Variants in AHCTF1 observed in about 807,000 individuals in gnomAD.
The protein encoded by AHCTF1 is protein ELYS.
In AHCTF1, 24 loss-of-function variants were observed where a neutral mutation model predicts 248.4. The observed-to-expected ratio is 0.10, with a 90% CI of 0.07 to 0.14. The LOEUF (loss-of-function observed/expected upper bound fraction) is 0.14, where lower values mean the gene tolerates loss of function less well. Ranked by LOEUF, AHCTF1 falls within the 10% of genes least tolerant of loss-of-function variation. The probability of loss-of-function intolerance (pLI) is 1.00; values close to 1 mark genes in which losing one functional copy is unlikely to be tolerated. For missense variants in AHCTF1, 2,206 were observed against 2,636.2 expected (o/e 0.84, Z 3.57); for synonymous variants, 786 against 929.8 (o/e 0.85, Z 2.81).
In AHCTF1 at chr1:246,840,473, G is replaced by C. The variant is rs1659778821; in HGVS notation, c.*333C>G. 6.5e-6 allele frequency: 1 copy of C among 154,976 alleles called. No individual in the cohort carries two copies. Among genetic ancestry groups the C allele is most frequent in the Admixed American group, 6.5e-5 (1 of 15,280 alleles). The allele number at this position is 154,976 out of a possible 1,614,324, so 9.6% of individuals were successfully genotyped here. ...AGTATTTTAATTATAGAGAAAATGA[G>C]ACCAATGAGCATATAAAACTATTTA... On this transcript the variant is annotated 3_prime_UTR_variant, in exon 36 of 36. Coordinates refer to ENST00000648844, the MANE Select transcript of AHCTF1 (RefSeq NM_001323342.2).
Position 246,908,323 on chromosome 1 carries a change from C to CAAA in AHCTF1, c.557-568_557-566dup, listed in dbSNP as rs34997839. Among the ~76,000 whole-genome samples the CAAA allele has an allele frequency of 6.9e-5, 7 of 101,548 alleles. 1 individual carries two copies. Among genetic ancestry groups the CAAA allele is most frequent in the East Asian group, 2.8e-4 (1 of 3,532 alleles). 66.6% of individuals were successfully genotyped at this position (101,548 alleles called of 152,430 possible). A position where few individuals can be genotyped will look rare whatever the true frequency, so the allele number is the denominator to read the frequency against. On this transcript the variant is annotated intron_variant, in intron 4 of 35. Transcript: ENST00000648844. ...CAAACCTGAAAAATTCACAGGGATA[C>CAAA]AAAAAAAAAAAAAAAAGAGGGGTGG...
At chr1:246,910,453 A>T (rs1321679921) in intron 4 of AHCTF1, among the ~76,000 whole-genome samples, 1 of 152,248 alleles carries the variant, frequency 6.6e-6, no homozygotes, top group Non-Finnish European at 1.5e-5. Flanking sequence ...ATTATGTAAT[A>T]AAATATCCCT....
chr1:246,879,583 G>A (rs1037938467), intron 21 of AHCTF1, among the ~76,000 whole-genome samples: 1 of 152,074 alleles, frequency 6.6e-6, no homozygotes, highest in Non-Finnish European at 1.5e-5. Flanking sequence ...CAGCACTTTG[G>A]GAGACCGAGA....
chr1:246,893,741 A>G (rs1664374972), intron 14 of AHCTF1, among the ~76,000 whole-genome samples: 1 of 152,250 alleles, frequency 6.6e-6, no homozygotes, highest in South Asian at 2.1e-4. Context: ...AAGTGAGTTA[A>G]GTACAGAAAC....
At chr1:246,870,551 T>G (rs1351353717) in intron 24 of AHCTF1, among the ~76,000 whole-genome samples, 2 of 152,162 alleles carry the variant, frequency 1.3e-5, no homozygotes, top group Non-Finnish European at 2.9e-5. Flanking sequence ...TCTACAGTGT[T>G]GAAATGATAA....
In AHCTF1 at chr1:246,850,944, T is replaced by C. The variant is rs748740387; in HGVS notation, c.5062A>G (p.Thr1688Ala). The C allele has an allele frequency of 2.5e-6, 4 of 1,613,858 alleles. No homozygotes were observed. In the Admixed American group the frequency reaches 6.7e-5, roughly 27 times the overall value. ...DTRSKEITSD[T>A]MEQSIHETIP... is the part of the protein sequence containing the mutation. ...GTTTCATGAATGGACTGTTCCATTG[T>C]ATCTGAAGTAATTTCTTTACTTCTT... Residue 1688 changes from threonine (T) to alanine (A), a missense_variant, in exon 33 of 36, where the codon ACA becomes GCA. Physicochemically the swap from Thr to Ala is moderately conservative, Grantham distance 58 (BLOSUM62 0). This residue lies in a region of AHCTF1 where 955 missense variants were observed against 1,055.6 expected (regional missense o/e 0.90). Coordinates refer to ENST00000648844, the MANE Select transcript of AHCTF1 (RefSeq NM_001323342.2).
rs1325915559 is a variant in AHCTF1, at chr1:246,922,432, TG to T, written c.-7-4056del. 3.4e-3 allele frequency among the ~76,000 whole-genome samples: 512 copies of T among 150,258 alleles called. 2 individuals carry two copies. The highest frequency in any genetic ancestry group is 0.011 in the African/African-American group (450 of 40,374). On this transcript the variant is annotated intron_variant, in intron 1 of 35. Coordinates refer to ENST00000648844, the MANE Select transcript of AHCTF1 (RefSeq NM_001323342.2). ...AGTATTCTGTTGCGGTTTTTTGGGT[TG>T]TTTTTTTTTTTTGACAGGGTCTCAC... is the stretch of plus-strand genomic sequence containing the variant.
At position 246,907,690 on chromosome 1, in the gene AHCTF1, G is replaced by T. The variant is rs753602111; in HGVS notation, c.625C>A (p.Arg209Ser). The T allele has an allele frequency of 6.2e-7, 1 of 1,613,780 alleles. No individual in the cohort carries two copies. The highest frequency in any genetic ancestry group is 8.5e-7 in the Non-Finnish European group (1 of 1,179,946). The change falls in exon 5 of 36, where the codon CGC becomes AGC. Residue 209 changes from arginine (R) to serine (S), a missense_variant. By Grantham distance (110) the Arg-to-Ser change is moderately radical (BLOSUM62 -1). Around this residue, in one of 6 missense-constraint regions of AHCTF1, gnomAD observed 650 missense variants for 870.8 expected, o/e 0.75. Coordinates refer to ENST00000648844, the MANE Select transcript of AHCTF1 (RefSeq NM_001323342.2). ...CTTACTAACTGGAAACACAGATGGCGCCCTTGTCTCATTACACTTTCTCTA... is the reference window on the plus strand; with the variant it reads ...CTTACTAACTGGAAACACAGATGGCTCCCTTGTCTCATTACACTTTCTCTA... ...HIRESVMRQG[R>S]HLCFQLVSPT...
chr1:246,901,342 A>C (rs759255909), intron 8 of AHCTF1, among the ~76,000 whole-genome samples: 4 of 151,696 alleles, frequency 2.6e-5, no homozygotes, highest in Non-Finnish European at 5.9e-5. Context: ...CTGTCTCTAA[A>C]AAAACAAAAA....
chr1:246,897,246 G>A lies in AHCTF1; in HGVS notation c.1623+962C>T, dbSNP rs148792915. 1.4e-4 allele frequency among the ~76,000 whole-genome samples: 22 copies of A among 152,216 alleles called. No individual in the cohort carries two copies. In the East Asian group the frequency reaches 4.3e-3, roughly 29 times the overall value. ...GAGAATCACCTGAACCCAGGAGGTT[G>A]GAGGTTGCAGTGAGCCAAGATCACG... is the stretch of plus-strand genomic sequence containing the variant. On this transcript the variant is annotated intron_variant, in intron 12 of 35. Coordinates refer to ENST00000648844, the MANE Select transcript of AHCTF1 (RefSeq NM_001323342.2).
rs1369825414 is a variant in AHCTF1, at chr1:246,900,476, G to GAA, written c.1118-9_1118-8dup. On this transcript the variant is annotated splice_region_variant and splice_polypyrimidine_tract_variant and intron_variant, in intron 8 of 35. Coordinates refer to ENST00000648844, the MANE Select transcript of AHCTF1 (RefSeq NM_001323342.2). ...CTAGTGTCAGGCGATAGAGCTGGAA[G>GAA]AAAAAGATAATTTTTAAAAACAGAA... 6.3e-7 allele frequency: 1 copy of GAA among 1,581,654 alleles called. No homozygotes were observed. Among genetic ancestry groups the GAA allele is most frequent in the East Asian group, 2.3e-5 (1 of 44,344 alleles).
At position 246,867,905 on chromosome 1, in the gene AHCTF1, AC is replaced by A. The variant is rs1402378753; in HGVS notation, c.3089-95del. On this transcript the variant is annotated intron_variant, in intron 24 of 35. Coordinates refer to ENST00000648844, the MANE Select transcript of AHCTF1 (RefSeq NM_001323342.2). Reference sequence around the variant, plus strand: ...AGAATGATTACACCCCCCCCCCCACACACACACACACACACATTACGTGGTA... The same window carrying A: ...AGAATGATTACACCCCCCCCCCCACAACACACACACACACATTACGTGGTA... 1.7e-5 allele frequency: 4 copies of A among 234,660 alleles called. 1 individual carries two copies. The African/African-American group carries it at 3.0e-4, about 18-fold the overall frequency. The allele number at this position is 234,660 out of a possible 1,614,324, so 14.5% of individuals were successfully genotyped here. A position where few individuals can be genotyped will look rare whatever the true frequency, so the allele number is the denominator to read the frequency against.
In AHCTF1 at chr1:246,918,351, T is replaced by G. The variant is rs971867758; in HGVS notation, c.20A>C (p.Gln7Pro). 1.9e-6 allele frequency: 3 copies of G among 1,612,228 alleles called. No homozygotes were observed. Among genetic ancestry groups the G allele is most frequent in the Non-Finnish European group, 2.5e-6 (3 of 1,179,262 alleles). ...AAATGGCAGGAGACCACTAGTCACTTGAGCTCTTAAGTCTCGCATACTTCC... is the reference window on the plus strand; with the variant it reads ...AAATGGCAGGAGACCACTAGTCACTGGAGCTCTTAAGTCTCGCATACTTCC... MRDLRA[Q>P]VTSGLLPFPE... Residue 7 changes from glutamine to proline, a missense_variant, in exon 2 of 36, where the codon CAA becomes CCA. Around this residue, in one of 6 missense-constraint regions of AHCTF1, gnomAD observed 69 missense variants for 85.4 expected, o/e 0.81. Coordinates refer to ENST00000648844, the MANE Select transcript of AHCTF1 (RefSeq NM_001323342.2).
rs1667348968 is a variant in AHCTF1 at position 246,931,393 on chromosome 1, G to A, written c.-8+185C>T. On this transcript the variant is annotated intron_variant, in intron 1 of 35. Transcript: ENST00000648844. ...CGGCGCCCGCGAGCCTGCCGTACCC[G>A]CCACCGCCACCGCTCGCCCCCTCGA... 3.3e-6 allele frequency: 5 copies of A among 1,503,542 alleles called. No homozygotes were observed. The South Asian group carries it at 5.2e-5, about 16-fold the overall frequency. 93.1% of individuals were successfully genotyped at this position (1,503,542 alleles called of 1,614,324 possible).
At chr1:246,904,907 T>C in intron 6 of AHCTF1, among the ~76,000 whole-genome samples, 1 of 152,216 alleles carries the variant, frequency 6.6e-6, no homozygotes, top group Non-Finnish European at 1.5e-5. Flanking sequence ...CCCAGCTCTC[T>C]TGTTCTCAAT....
chr1:246,926,310 G>A (rs1370912409), intron 1 of AHCTF1, among the ~76,000 whole-genome samples: 1 of 152,096 alleles, frequency 6.6e-6, no homozygotes, highest in East Asian at 1.9e-4. Context: ...TTTGAATCCA[G>A]GTTCTAGCAC....
At chr1:246,915,018 A>G (rs1666045744) in intron 3 of AHCTF1, among the ~76,000 whole-genome samples, 1 of 152,194 alleles carries the variant, frequency 6.6e-6, no homozygotes, top group South Asian at 2.1e-4. Context: ...AGCCTTTTAC[A>G]TGAGAGTTCT....
chr1:246,903,902 A>C, intron 7 of AHCTF1, 47 bp downstream of exon 7: 4 of 1,370,768 alleles, frequency 2.9e-6, no homozygotes, highest in Non-Finnish European at 2.0e-6. Context: ...TTTAAAATAG[A>C]AAACAACAAA....
intron 29 of AHCTF1, among the ~76,000 whole-genome samples, chr1:246,859,825 A>G (rs529479892): frequency 6.6e-6 from 1 of 151,160 alleles, no homozygotes; most frequent in East Asian, 2.0e-4. Flanking sequence ...AAGTGCTGGT[A>G]TTACAGGCGT....
Sources: gnomAD v4.1 joint callset for allele counts (sites outside exome capture counted in the v4.1 genomes callset) on GRCh38, gnomAD v4.1.1 for gene constraint, gnomAD v4.1.1 regional missense constraint, MANE v1.5 for transcripts, NCBI Gene and HGNC (gene_info 2026-07-23, HGNC 2026-07-21) for gene names.